Variants in DNAJC17 observed in about 807,000 individuals in gnomAD.
The protein encoded by DNAJC17 is dnaJ homolog subfamily C member 17.
DNAJC17 carries 35 observed loss-of-function variants against 48.1 expected under a neutral mutation model. The observed-to-expected ratio is 0.73, with a 90% confidence interval of 0.56 to 0.96. DNAJC17 has a LOEUF of 0.96. Ranked by LOEUF, DNAJC17 falls within the 50% of genes least tolerant of loss-of-function variation. The pLI is 0.00. For missense variants in DNAJC17, 355 were observed against 377.1 expected (o/e 0.94, Z 0.48); for synonymous variants, 117 against 142.7 (o/e 0.82, Z 1.28).
At position 40,765,884 on chromosome 15, in the gene DNAJC17, C is replaced by G. The variant is rs1476317616; in HGVS notation, c.*2056G>C. 6.3e-7 allele frequency: 1 copy of G among 1,582,686 alleles called. No homozygotes were observed. The highest frequency in any genetic ancestry group is 8.6e-7 in the Non-Finnish European group (1 of 1,159,376). On this transcript the variant is annotated 3_prime_UTR_variant, in exon 11 of 11. Transcript: ENST00000220496. The stretch of plus-strand genomic sequence containing the variant: ...GTCGGATCCAGAGCTGATGCAGCAT[C>G]TGGGGGCTTCAAAGAGAAGAGCCTT...
Position 40,767,732 on chromosome 15 carries a change from C to T in DNAJC17, c.*208G>A. ...TGGCTGCGCCTGTGCTCTGCTTGTG[C>T]ACGGACTCTGGGACTCTCACCCTGC... On this transcript the variant is annotated 3_prime_UTR_variant, in exon 11 of 11. Coordinates refer to ENST00000220496, the MANE Select transcript of DNAJC17 (RefSeq NM_018163.3). The T allele has an allele frequency of 1.4e-6, 1 of 699,668 alleles. No homozygotes were observed. Among genetic ancestry groups the T allele is most frequent in the Non-Finnish European group, 2.3e-6 (1 of 436,600 alleles). 43.3% of individuals were successfully genotyped at this position (699,668 alleles called of 1,614,324 possible).
chr15:40,787,841 T>G (rs1178816859), intron 1 of DNAJC17, among the ~76,000 whole-genome samples: 1 of 152,156 alleles, frequency 6.6e-6, no homozygotes, highest in African/African-American at 2.4e-5. Context: ...TGCTAAGGGA[T>G]CCAATAAATA....
In DNAJC17 at chr15:40,778,998, G is replaced by A. The variant is rs181885150; in HGVS notation, c.295+225C>T. On this transcript the variant is annotated intron_variant, in intron 4 of 10. Coordinates refer to ENST00000220496, the MANE Select transcript of DNAJC17 (RefSeq NM_018163.3). ...TCCTTGTATAGTTATGATAATTAAA[G>A]GGACAATAAGGCATTTGTCACAATG... 2.0e-4 allele frequency: 114 copies of A among 578,278 alleles called. 1 individual carries two copies. Among genetic ancestry groups the A allele is most frequent in the Non-Finnish European group, 2.0e-4 (65 of 319,534 alleles). The allele number at this position is 578,278 out of a possible 1,614,324, so 35.8% of individuals were successfully genotyped here.
chr15:40,799,515 C>T (rs189551759), intron 1 of DNAJC17, among the ~76,000 whole-genome samples: 1 of 152,216 alleles, frequency 6.6e-6, no homozygotes, highest in African/African-American at 2.4e-5. Context: ...GTTCTGTGTA[C>T]AGAAAGGCAG....
At chr15:40,779,893 G>C (rs1254937248) in intron 2 of DNAJC17, 35 bp downstream of exon 2, 1 of 1,604,964 alleles carries the variant, frequency 6.2e-7, no homozygotes, top group African/African-American at 1.3e-5. Flanking sequence ...GGGTGAGTGG[G>C]TTTCTTTCTC....
chr15:40,792,487 G>C, intron 1 of DNAJC17: 1 of 985,344 alleles, frequency 1.0e-6, no homozygotes, highest in Non-Finnish European at 1.2e-6. Context: ...CCCTTCAAAG[G>C]GCTTCAAATG....
chr15:40,774,335 C>G, intron 9 of DNAJC17, 21 bp downstream of exon 9: 1 of 1,613,574 alleles, frequency 6.2e-7, no homozygotes, highest in Non-Finnish European at 8.5e-7. Context: ...GAGGGGCCCC[C>G]AAGCCTCATG....
At chr15:40,774,329 G>C in intron 9 of DNAJC17, 27 bp downstream of exon 9, 1 of 1,613,012 alleles carries the variant, frequency 6.2e-7, no homozygotes, top group South Asian at 1.1e-5. Context: ...GGCCACGAGG[G>C]GCCCCCAAGC....
Position 40,779,948 on chromosome 15 carries a change from T to C in DNAJC17, c.128A>G (p.Asn43Ser), listed in dbSNP as rs760724050. 3 of 1,614,096 alleles carry C rather than the reference T, an allele frequency of 1.9e-6. No individual in the cohort carries two copies. The highest frequency in any genetic ancestry group is 2.2e-5 in the South Asian group (2 of 91,042). ...CTCACCTGCTCTGGGATTATCTGGA[T>C]TTTTGTCTGGGTGGCAGGAGAGGGC... Reference protein sequence around the residue: ...QKALSCHPDKNPDNPRAAELF... With the variant: ...QKALSCHPDKSPDNPRAAELF... Residue 43 changes from asparagine (N) to serine (S), a missense_variant, in exon 2 of 11, where the codon AAT (asparagine) becomes AGT (serine). By Grantham distance (46) the Asn-to-Ser change is conservative (BLOSUM62 1). Around this residue, in one of 3 missense-constraint regions of DNAJC17, gnomAD observed 199 missense variants for 199.9 expected, o/e 1.00. Transcript: ENST00000220496.
At position 40,779,972 on chromosome 15, in the gene DNAJC17, G is replaced by C; in HGVS notation, c.104C>G (p.Ala35Gly). 6.2e-7 allele frequency: 1 copy of C among 1,614,104 alleles called. No individual in the cohort carries two copies. Residue 35 changes from alanine to glycine, a missense_variant, in exon 2 of 11, where the codon GCC becomes GGC. Coordinates refer to ENST00000220496, the MANE Select transcript of DNAJC17 (RefSeq NM_018163.3). The stretch of plus-strand genomic sequence containing the variant: ...ATTTTTGTCTGGGTGGCAGGAGAGG[G>C]CCTTCTGCCTATACGCCTTCTTTAC... ...KEVKKAYRQK[A>G]LSCHPDKNPD... is the part of the protein sequence containing the mutation.
At chr15:40,779,683 ATCTTC>A in intron 2 of DNAJC17, 80 bp from the exon 3 acceptor site, 3 of 1,405,882 alleles carry the variant, frequency 2.1e-6, no homozygotes, top group Non-Finnish European at 2.9e-6. Flanking sequence ...AAAAAAAAAA[ATCTTC>A]AAAGAAGTCA....
At chr15:40,775,975 G>A (rs935857588) in intron 6 of DNAJC17, among the ~76,000 whole-genome samples, 1 of 152,188 alleles carries the variant, frequency 6.6e-6, no homozygotes, top group African/African-American at 2.4e-5. Context: ...AAAGCCAAAT[G>A]TGGCCAGGAG....
intron 1 of DNAJC17, among the ~76,000 whole-genome samples, chr15:40,799,224 CAAAAAAA>C (rs34609538): frequency 6.8e-5 from 3 of 44,368 alleles, no homozygotes; most frequent in South Asian, 7.7e-4. Context: ...GACTCCATCT[CAAAAAAA>C]AAAAAAAAAA....
intron 1 of DNAJC17, among the ~76,000 whole-genome samples, chr15:40,797,023 T>G (rs1303235732): frequency 1.3e-5 from 2 of 152,100 alleles, no homozygotes; most frequent in Non-Finnish European, 2.9e-5. Context: ...TGCCTCAGTC[T>G]CCCAAAGTGC....
At chr15:40,787,238 T>A (rs1329407088) in intron 1 of DNAJC17, among the ~76,000 whole-genome samples, 1 of 152,154 alleles carries the variant, frequency 6.6e-6, no homozygotes, top group Non-Finnish European at 1.5e-5. Flanking sequence ...ATAAAGTGGA[T>A]GTACTTAGGA....
At chr15:40,773,639 G>C in intron 10 of DNAJC17, 88 bp downstream of exon 10, 1 of 1,070,814 alleles carries the variant, frequency 9.3e-7, no homozygotes, top group South Asian at 1.6e-5. Flanking sequence ...CCCAAGATCT[G>C]AATTTGGAAG....
At position 40,767,327 on chromosome 15, in the gene DNAJC17, TGTG is replaced by T. The variant is rs745863947; in HGVS notation, c.*610_*612del. ...ATGACGGGGGTGGGCCAGACGCTGG[TGTG>T]GTGTCTGCACAAGGAGTGACCTTCT... On this transcript the variant is annotated 3_prime_UTR_variant, in exon 11 of 11. Transcript: ENST00000220496. 4 of 1,600,954 alleles carry T rather than the reference TGTG, an allele frequency of 2.5e-6. No homozygotes were observed. The highest frequency in any genetic ancestry group is 3.4e-6 in the Non-Finnish European group (4 of 1,174,662).
chr15:40,788,640 G>A (rs1233724241), intron 1 of DNAJC17, among the ~76,000 whole-genome samples: 2 of 150,748 alleles, frequency 1.3e-5, no homozygotes, highest in Non-Finnish European at 2.9e-5. Context: ...AGCTTGCAGT[G>A]AGCCGAGATC....
In DNAJC17 at chr15:40,769,046, G is replaced by A. The variant is rs938491326; in HGVS notation, c.793-984C>T. ...GGGGAATAGGAAGGGAGCAGCTAGG[G>A]TTGAGATGCCAGGCCCTGGCCAGCA... is the stretch of plus-strand genomic sequence containing the variant. On this transcript the variant is annotated intron_variant, in intron 10 of 10. Coordinates refer to ENST00000220496, the MANE Select transcript of DNAJC17 (RefSeq NM_018163.3). The surrounding 1 kb of genome is among the most constrained non-coding windows in gnomAD (Gnocchi z 4.2). Among the ~76,000 whole-genome samples, 2 of 152,258 alleles carry A rather than the reference G, an allele frequency of 1.3e-5. No homozygotes were observed. Among genetic ancestry groups the A allele is most frequent in the South Asian group, 2.1e-4 (1 of 4,838 alleles).
Sources: gnomAD v4.1 joint callset for allele counts (sites outside exome capture counted in the v4.1 genomes callset) on GRCh38, gnomAD v4.1.1 for gene constraint, gnomAD v4.1.1 regional missense constraint, Gnocchi (gnomAD v3.1) non-coding constraint, MANE v1.5 for transcripts, NCBI Gene and HGNC (gene_info 2026-07-23, HGNC 2026-07-21) for gene names.